The following SLC12A2 variants were observed in gnomAD, a reference collection of about 807,000 sequenced individuals.
The protein encoded by SLC12A2 is solute carrier family 12 member 2.
SLC12A2 carries 67 observed loss-of-function variants against 136.3 expected under a neutral mutation model. That is an observed-to-expected ratio of 0.49 (90% CI 0.40 to 0.60). The LOEUF is 0.60. SLC12A2 is among the 20% of genes least tolerant of loss of function. SLC12A2 has a pLI of 0.00. For missense variants in SLC12A2, 1,322 were observed against 1,534.7 expected (o/e 0.86, Z 2.32); for synonymous variants, 619 against 562.9 (o/e 1.10, Z -1.41).
In SLC12A2 at chr5:128,114,897, G is replaced by A. The variant is rs10055977; in HGVS notation, c.1048+216G>A. Among the ~76,000 whole-genome samples, 442 of 152,182 alleles carry A rather than the reference G, an allele frequency of 2.9e-3. 1 individual carries two copies. Among genetic ancestry groups the A allele is most frequent in the African/African-American group, 9.9e-3 (413 of 41,516 alleles). On this transcript the variant is annotated intron_variant, in intron 4 of 26. Coordinates refer to ENST00000262461, the MANE Select transcript of SLC12A2 (RefSeq NM_001046.3). ...GCTTTTAAGTTATTCAGTGTGTCTCGTAGCAAGAATGGAGCATCTACTTTG... is the reference window on the plus strand; with the variant it reads ...GCTTTTAAGTTATTCAGTGTGTCTCATAGCAAGAATGGAGCATCTACTTTG...
Position 128,131,210 on chromosome 5 carries a change from A to T in SLC12A2, c.1188+4A>T, listed in dbSNP as rs1439322964. The T allele has an allele frequency of 1.2e-6, 2 of 1,613,678 alleles. No individual in the cohort carries two copies. The highest frequency in any genetic ancestry group is 1.7e-6 in the Non-Finnish European group (2 of 1,179,658). On this transcript the variant is annotated splice_donor_region_variant and intron_variant, in intron 5 of 26. Coordinates refer to ENST00000262461, the MANE Select transcript of SLC12A2 (RefSeq NM_001046.3). ...AACCGTGGTGGAGTTGCTTAAGGTA[A>T]TTCACCTTCCTTCTAGTCATTCGTT...
intron 18 of SLC12A2, chr5:128,168,085 TATACAC>T: frequency 2.7e-6 from 1 of 375,186 alleles, no homozygotes; most frequent in Non-Finnish European, 4.7e-6. Flanking sequence ...TATATATATA[TATACAC>T]ACACACACAC....
At chr5:128,140,485 T>TTGATTATGTTTTGA (rs1424777333) in intron 9 of SLC12A2, among the ~76,000 whole-genome samples, 1 of 152,200 alleles carries the variant, frequency 6.6e-6, no homozygotes, top group African/African-American at 2.4e-5. Context: ...AGTGACATAA[T>TTGATTATGTTTTGA]TGATTATGTT....
intron 1 of SLC12A2, among the ~76,000 whole-genome samples, chr5:128,085,383 A>C (rs1208272294): frequency 6.6e-6 from 1 of 152,164 alleles, no homozygotes; most frequent in Admixed American, 6.5e-5. Context: ...TTAAAGAAAA[A>C]AGGGAAACAG....
At chr5:128,141,157 A>G (rs967816172) in intron 9 of SLC12A2, among the ~76,000 whole-genome samples, 2 of 152,276 alleles carry the variant, frequency 1.3e-5, no homozygotes, top group African/African-American at 4.8e-5. Flanking sequence ...TTTTATGGAA[A>G]AGTAGGGAGG....
At chr5:128,159,753 G>T (rs1438660007) in intron 16 of SLC12A2, among the ~76,000 whole-genome samples, 1 of 152,188 alleles carries the variant, frequency 6.6e-6, no homozygotes, top group Non-Finnish European at 1.5e-5. Context: ...TGCTGGCAAG[G>T]ATGTGGAGAA....
intron 26 of SLC12A2, among the ~76,000 whole-genome samples, chr5:128,186,082 T>C (rs1013132285): frequency 6.6e-6 from 1 of 152,132 alleles, no homozygotes; most frequent in Admixed American, 6.6e-5. Context: ...ATATTTTTAC[T>C]GTATCTTTTC....
chr5:128,113,023 CT>C, intron 2 of SLC12A2, 90 bp downstream of exon 2: 2 of 1,111,700 alleles, frequency 1.8e-6, no homozygotes, highest in Non-Finnish European at 2.5e-6. Flanking sequence ...CAAGAGAACT[CT>C]TTTTTTCTCT....
chr5:128,142,318 G>A (rs1017772986), intron 10 of SLC12A2, among the ~76,000 whole-genome samples: 1 of 152,116 alleles, frequency 6.6e-6, no homozygotes, highest in Non-Finnish European at 1.5e-5. Context: ...GGTTAGGCTG[G>A]TCTCGAACTC....
chr5:128,155,745 T>C (rs1762852535), intron 15 of SLC12A2, among the ~76,000 whole-genome samples: 1 of 152,180 alleles, frequency 6.6e-6, no homozygotes, highest in South Asian at 2.1e-4. Context: ...TAAGTGGAGC[T>C]TGTCAGTTGA....
Position 128,163,419 on chromosome 5 carries a change from C to T in SLC12A2, c.2616+1619C>T, listed in dbSNP as rs182701906. Among the ~76,000 whole-genome samples the T allele has an allele frequency of 5.1e-4, 78 of 152,196 alleles. 2 individuals carry two copies. Among genetic ancestry groups the T allele is most frequent in the East Asian group, 3.9e-3 (20 of 5,180 alleles). On this transcript the variant is annotated intron_variant, in intron 17 of 26. Coordinates refer to ENST00000262461, the MANE Select transcript of SLC12A2 (RefSeq NM_001046.3). ...TGGCACGCACCTGTAATCTCAGCTA[C>T]CTGGGAGGCTGAGGCAGGAGAATCA...
At chr5:128,087,825 A>G (rs1402919504) in intron 1 of SLC12A2, among the ~76,000 whole-genome samples, 2 of 152,102 alleles carry the variant, frequency 1.3e-5, no homozygotes, top group African/African-American at 2.4e-5. Flanking sequence ...GGAGTGAGAA[A>G]GAAGCTGACT....
chr5:128,114,150 T>C, intron 2 of SLC12A2, 62 bp from the exon 3 acceptor site: 2 of 1,200,214 alleles, frequency 1.7e-6, no homozygotes, highest in Non-Finnish European at 2.5e-6. Context: ...GGTTTAATGC[T>C]TACTATATAA....
intron 1 of SLC12A2, among the ~76,000 whole-genome samples, chr5:128,107,124 A>G (rs1760967246): frequency 6.6e-6 from 1 of 152,148 alleles, no homozygotes; most frequent in Non-Finnish European, 1.5e-5. Flanking sequence ...GAACAGTTGA[A>G]TCATCAATCC....
chr5:128,085,157 G>A (rs565905754), intron 1 of SLC12A2, among the ~76,000 whole-genome samples: 2 of 151,966 alleles, frequency 1.3e-5, no homozygotes, highest in South Asian at 4.2e-4. Context: ...GATCGCAAGA[G>A]TGGGAATGTT....
intron 6 of SLC12A2, among the ~76,000 whole-genome samples, chr5:128,135,485 T>C (rs369857269): frequency 2.0e-5 from 3 of 152,028 alleles, no homozygotes; most frequent in Non-Finnish European, 2.9e-5. Flanking sequence ...TTTTACTATC[T>C]TTTTTTTCCC....
intron 24 of SLC12A2, 77 bp from the exon 25 acceptor site, chr5:128,184,289 C>T (rs982048942): frequency 3.1e-6 from 3 of 977,618 alleles, no homozygotes; most frequent in Non-Finnish European, 4.4e-6. Context: ...TTGCAAGTTA[C>T]AATTTAATAT....
rs1353137909 is a variant in SLC12A2, at chr5:128,083,844, A to G, written c.-111A>G. The G allele has an allele frequency of 2.5e-6, 2 of 805,474 alleles. No individual in the cohort carries two copies. The highest frequency in any genetic ancestry group is 3.3e-6 in the Non-Finnish European group (2 of 605,612). The allele number at this position is 805,474 out of a possible 1,614,324, so 49.9% of individuals were successfully genotyped here. On this transcript the variant is annotated 5_prime_UTR_variant, in exon 1 of 27. Coordinates refer to ENST00000262461, the MANE Select transcript of SLC12A2 (RefSeq NM_001046.3). ...GGCGGCCCGCAGGCGGCGGGGAGAA[A>G]GACTCTCTCACCTGGTCTTGCGGCT...
chr5:128,134,864 C>T (rs538987337), intron 6 of SLC12A2, among the ~76,000 whole-genome samples: 1 of 152,082 alleles, frequency 6.6e-6, no homozygotes, highest in African/African-American at 2.4e-5. Flanking sequence ...TTTTGAAGAC[C>T]TTATAAAAGT....
Sources: gnomAD v4.1 joint callset for allele counts (sites outside exome capture counted in the v4.1 genomes callset) on GRCh38, gnomAD v4.1.1 for gene constraint, MANE v1.5 for transcripts, NCBI Gene and HGNC (gene_info 2026-07-23, HGNC 2026-07-21) for gene names.